The following CRACDL variants were observed in gnomAD, a reference collection of about 807,000 sequenced individuals.
The protein encoded by CRACDL is CRACD like, also known as CRACD-like protein.
A neutral mutation model predicts 70.6 loss-of-function variants in CRACDL; 26 were observed. The observed-to-expected ratio is 0.37, with a 90% CI of 0.27 to 0.51. The LOEUF (loss-of-function observed/expected upper bound fraction) is 0.51. Ranked by LOEUF, CRACDL falls within the 20% of genes least tolerant of loss-of-function variation. The pLI is 0.94. For synonymous variants in CRACDL, 618 were observed against 615.2 expected, an observed-to-expected ratio of 1.00 and a Z score of -0.07; for missense variants, 1,283 against 1,376.9, an observed-to-expected ratio of 0.93 and a Z score of 1.08.
intron 1 of CRACDL, among the ~76,000 whole-genome samples, chr2:98,858,666 T>C (rs570785189): frequency 2.5e-4 from 37 of 148,140 alleles, no homozygotes; most frequent in African/African-American, 7.9e-4. Context: ...AAATAGAAAA[T>C]AGAAAAACAT....
intron 7 of CRACDL, among the ~76,000 whole-genome samples, chr2:98,813,852 T>C (rs973121436): frequency 6.6e-6 from 1 of 152,246 alleles, no homozygotes; most frequent in Admixed American, 6.5e-5. Flanking sequence ...TGGAGTTTTC[T>C]GGAAGGTTTT....
chr2:98,922,354 C>T (rs919578949), intron 1 of CRACDL, among the ~76,000 whole-genome samples: 4 of 150,668 alleles, frequency 2.7e-5, no homozygotes, highest in East Asian at 3.9e-4. Flanking sequence ...GCAGGGGAAT[C>T]GCTTGAACCC....
Position 98,866,035 on chromosome 2 carries a change from C to T in CRACDL, c.-10-19225G>A, listed in dbSNP as rs191583706. ...CATCCACTTGTGTGCAAAACCTTCT[C>T]TGTCCTCTTGTCAGAAAGGATAGCG... On this transcript the variant is annotated intron_variant, in intron 1 of 9. Coordinates refer to ENST00000397899, the MANE Select transcript of CRACDL (RefSeq NM_207362.3). Among the ~76,000 whole-genome samples, 3 of 152,240 alleles carry T rather than the reference C, an allele frequency of 2.0e-5. No homozygotes were observed. In the East Asian group the frequency reaches 5.8e-4, roughly 29 times the overall value.
chr2:98,918,722 A>G (rs1708728977), intron 1 of CRACDL, among the ~76,000 whole-genome samples: 1 of 151,932 alleles, frequency 6.6e-6, no homozygotes, highest in African/African-American at 2.4e-5. Context: ...CTTGTTGATC[A>G]TTCGTGTGTC....
At chr2:98,853,494 T>C (rs1465076904) in intron 1 of CRACDL, among the ~76,000 whole-genome samples, 2 of 152,194 alleles carry the variant, frequency 1.3e-5, no homozygotes, top group East Asian at 3.9e-4. Flanking sequence ...AAGTGATATG[T>C]ACTGCAGATA....
At chr2:98,819,291 T>C (rs542224568) in intron 7 of CRACDL, among the ~76,000 whole-genome samples, 2 of 152,376 alleles carry the variant, frequency 1.3e-5, no homozygotes, top group South Asian at 2.1e-4. Context: ...CTTGATATTC[T>C]GTTTTTAAGT....
chr2:98,892,668 CG>C (rs1219508879), intron 1 of CRACDL, among the ~76,000 whole-genome samples: 1 of 150,224 alleles, frequency 6.7e-6, no homozygotes, highest in African/African-American at 2.5e-5. Context: ...CCAGCCTGGG[CG>C]AAAGAGTGAG....
chr2:98,864,664 A>ATAGG (rs1215504087), intron 1 of CRACDL, among the ~76,000 whole-genome samples: 1 of 151,044 alleles, frequency 6.6e-6, no homozygotes, highest in African/African-American at 2.4e-5. Flanking sequence ...CTCCTGCCCT[A>ATAGG]GCCTCTGGAG....
intron 1 of CRACDL, among the ~76,000 whole-genome samples, chr2:98,883,612 A>G (rs1000277728): frequency 6.6e-6 from 1 of 152,174 alleles, no homozygotes; most frequent in African/African-American, 2.4e-5. Context: ...CGTTGGGAAG[A>G]GCGTGTTTGT....
At chr2:98,907,784 T>A (rs896322608) in intron 1 of CRACDL, among the ~76,000 whole-genome samples, 8 of 152,238 alleles carry the variant, frequency 5.3e-5, no homozygotes, top group African/African-American at 1.9e-4. Context: ...GAAGAGTAAG[T>A]CTGATATTCA....
At chr2:98,871,038 C>T (rs1472233540) in intron 1 of CRACDL, among the ~76,000 whole-genome samples, 2 of 152,242 alleles carry the variant, frequency 1.3e-5, no homozygotes, top group African/African-American at 4.8e-5. Context: ...CTCACTGCCC[C>T]TCCACCGCCT....
At chr2:98,895,786 G>A (rs374937012) in intron 1 of CRACDL, among the ~76,000 whole-genome samples, 3 of 152,106 alleles carry the variant, frequency 2.0e-5, no homozygotes, top group Admixed American at 6.5e-5. Context: ...CTCAAAATTC[G>A]TGTGTTGAAA....
chr2:98,893,453 T>A (rs1408132345), intron 1 of CRACDL, among the ~76,000 whole-genome samples: 5 of 152,070 alleles, frequency 3.3e-5, no homozygotes, highest in African/African-American at 4.8e-5. Context: ...CTGGCTAATT[T>A]TTTGTATTTT....
rs138898823 is a variant in CRACDL, at chr2:98,794,505, G to T, written c.*27C>A. ...AACTAAGTGGCTTGTCAGGGTAGTG[G>T]ACATGCTTTATCAGCACACTGCCCA... On this transcript the variant is annotated 3_prime_UTR_variant, in exon 10 of 10. Transcript: ENST00000397899. 1 of 1,607,046 alleles carries T rather than the reference G, an allele frequency of 6.2e-7. No individual in the cohort carries two copies. The highest frequency in any genetic ancestry group is 1.3e-5 in the African/African-American group (1 of 74,816).
intron 1 of CRACDL, among the ~76,000 whole-genome samples, chr2:98,916,440 A>G (rs948456924): frequency 6.6e-6 from 1 of 152,204 alleles, no homozygotes; most frequent in Non-Finnish European, 1.5e-5. Context: ...ACATATATCA[A>G]GATGTATGAA....
At chr2:98,848,517 A>C (rs981558512) in intron 1 of CRACDL, among the ~76,000 whole-genome samples, 1 of 152,196 alleles carries the variant, frequency 6.6e-6, no homozygotes, top group Non-Finnish European at 1.5e-5. Context: ...TCAGTGCAAG[A>C]GTTTTCCATT....
At chr2:98,796,453 G>A (rs1703826112) in intron 8 of CRACDL, among the ~76,000 whole-genome samples, 189 bp from the exon 9 acceptor site, 1 of 152,218 alleles carries the variant, frequency 6.6e-6, no homozygotes, top group Non-Finnish European at 1.5e-5. Context: ...ACCAGTATGC[G>A]GCCTTATCCT....
intron 1 of CRACDL, among the ~76,000 whole-genome samples, chr2:98,902,594 G>C (rs919490633): frequency 2.6e-5 from 4 of 152,156 alleles, no homozygotes; most frequent in East Asian, 3.9e-4. Context: ...CTTCAAAGTA[G>C]TATAAAATGA....
At chr2:98,817,723 T>C (rs1372994079) in intron 7 of CRACDL, among the ~76,000 whole-genome samples, 1 of 152,156 alleles carries the variant, frequency 6.6e-6, no homozygotes, top group Non-Finnish European at 1.5e-5. Flanking sequence ...AAAGAATGCA[T>C]GAATGAGTGA....
Sources: gnomAD v4.1 joint callset for allele counts (sites outside exome capture counted in the v4.1 genomes callset) on GRCh38, gnomAD v4.1.1 for gene constraint, MANE v1.5 for transcripts, NCBI Gene and HGNC (gene_info 2026-07-23, HGNC 2026-07-21) for gene names.